The following PREX1 variants were observed in gnomAD, a reference collection of about 807,000 sequenced individuals.
PREX1 encodes phosphatidylinositol 3,4,5-trisphosphate-dependent Rac exchanger 1 protein.
In PREX1, 41 loss-of-function variants were observed where a neutral mutation model predicts 198.3. The observed-to-expected ratio is 0.21, with a 90% CI of 0.16 to 0.27. The LOEUF (loss-of-function observed/expected upper bound fraction) is 0.27, where lower values mean the gene tolerates loss of function less well. PREX1 is among the 10% of genes least tolerant of loss of function. The probability of loss-of-function intolerance (pLI) is 1.00; values close to 1 mark genes in which losing one functional copy is unlikely to be tolerated. For missense variants in PREX1, 1,620 were observed against 2,200.7 expected, an observed-to-expected ratio of 0.74 and a Z score of 5.28; for synonymous variants, 843 against 887.2, an observed-to-expected ratio of 0.95 and a Z score of 0.89.
intron 25 of PREX1, among the ~76,000 whole-genome samples, chr20:48,648,051 T>C (rs919836393): frequency 3.3e-5 from 5 of 152,216 alleles, no homozygotes; most frequent in Middle Eastern, 3.4e-3. Context: ...AACAGGTGTA[T>C]GCCATCACGC....
At chr20:48,655,244 C>T (rs1319019878) in intron 19 of PREX1, 46 bp downstream of exon 19, 2 of 1,472,684 alleles carry the variant, frequency 1.4e-6, no homozygotes, top group African/African-American at 1.4e-5. Flanking sequence ...CAGACAGATC[C>T]ACCATCTTCT....
At chr20:48,663,972 C>T (rs1353766012) in intron 15 of PREX1, among the ~76,000 whole-genome samples, 1 of 152,204 alleles carries the variant, frequency 6.6e-6, no homozygotes, top group African/African-American at 2.4e-5. Context: ...GCTCCCAGAA[C>T]CTGGCACGGT....
At chr20:48,697,786 T>C (rs1601083328) in intron 7 of PREX1, among the ~76,000 whole-genome samples, 1 of 152,318 alleles carries the variant, frequency 6.6e-6, no homozygotes, top group African/African-American at 2.4e-5. Flanking sequence ...TTTCCCCTTC[T>C]GGAGGATGGG....
chr20:48,815,196 C>A (rs1006824867), intron 1 of PREX1, among the ~76,000 whole-genome samples: 1 of 152,156 alleles, frequency 6.6e-6, no homozygotes, highest in African/African-American at 2.4e-5. Flanking sequence ...ATGGAGACTT[C>A]CAGAGCCTTC....
the PREX1 span, among the ~76,000 whole-genome samples, chr20:48,837,487 C>G: frequency 6.6e-6 from 1 of 152,130 alleles, no homozygotes; most frequent in Non-Finnish European, 1.5e-5. Flanking sequence ...TACCATGAAG[C>G]CATAAAAAAT....
In PREX1 at chr20:48,750,790, G is replaced by C. The variant is rs552465694; in HGVS notation, c.220-2910C>G. ...TACAAGCTCCTAAGGGAAAGGCCAG[G>C]ATAAGCAGGGATCATGGCTGGGATG... On this transcript the variant is annotated intron_variant, in intron 1 of 39. Transcript: ENST00000371941. 1.8e-3 allele frequency among the ~76,000 whole-genome samples: 271 copies of C among 152,316 alleles called. 1 individual carries two copies. The highest frequency in any genetic ancestry group is 6.3e-3 in the African/African-American group (262 of 41,572).
chr20:48,834,830 G>A, the PREX1 span, among the ~76,000 whole-genome samples: 6 of 152,178 alleles, frequency 3.9e-5, no homozygotes, highest in Non-Finnish European at 5.9e-5. Context: ...AAAGTGCTGG[G>A]ATTACAGGTG....
At chr20:48,632,720 T>G in intron 33 of PREX1, 81 bp from the exon 34 acceptor site, 1 of 1,513,578 alleles carries the variant, frequency 6.6e-7, no homozygotes, top group Non-Finnish European at 9.1e-7. Flanking sequence ...CCAGAACAGC[T>G]GGCACCTCCC....
chr20:48,815,317 C>T (rs911986952), intron 1 of PREX1, among the ~76,000 whole-genome samples: 6 of 152,338 alleles, frequency 3.9e-5, no homozygotes, highest in East Asian at 3.9e-4. Context: ...CTGCACCCAA[C>T]GACAGCAGAA....
intron 6 of PREX1, among the ~76,000 whole-genome samples, chr20:48,706,761 A>G (rs950154049): frequency 6.6e-6 from 1 of 152,230 alleles, no homozygotes; most frequent in African/African-American, 2.4e-5. Context: ...CAACTTTCAG[A>G]TGCAGGAAAC....
At position 48,666,154 on chromosome 20, in the gene PREX1, CGTGA is replaced by C. The variant is rs1156500240; in HGVS notation, c.1738+125_1738+128del. On this transcript the variant is annotated intron_variant, in intron 15 of 39. Coordinates refer to ENST00000371941, the MANE Select transcript of PREX1 (RefSeq NM_020820.4). This position sits in a 1 kb window ranked among gnomAD's most constrained non-coding sequence, Gnocchi z 4.3. ...ACGGGAAGGGGAGGGAGGTGGGATT[CGTGA>C]GCCTCCCCAAACCCCCGGGGGTCTA... is the stretch of plus-strand genomic sequence containing the variant. The C allele has an allele frequency of 5.7e-6, 5 of 878,464 alleles. No homozygotes were observed. Among genetic ancestry groups the C allele is most frequent in the Non-Finnish European group, 8.7e-6 (5 of 571,754 alleles). 54.4% of individuals were successfully genotyped at this position (878,464 alleles called of 1,614,324 possible). A position where few individuals can be genotyped will look rare whatever the true frequency, so the allele number is the denominator to read the frequency against.
intron 31 of PREX1, 103 bp from the exon 32 acceptor site, chr20:48,636,786 G>T (rs2089368979): frequency 7.1e-6 from 7 of 982,978 alleles, no homozygotes; most frequent in African/African-American, 3.3e-5. Context: ...GGAACCCCCA[G>T]CAAAGGGCTA....
chr20:48,827,715 A>T lies in PREX1; in HGVS notation c.146T>A (p.Leu49His). 1.5e-6 allele frequency: 2 copies of T among 1,360,750 alleles called. No individual in the cohort carries two copies. Among genetic ancestry groups the T allele is most frequent in the Non-Finnish European group, 1.9e-6 (2 of 1,042,450 alleles). The allele number at this position is 1,360,750 out of a possible 1,614,324, so 84.3% of individuals were successfully genotyped here. A position where few individuals can be genotyped will look rare whatever the true frequency, so the allele number is the denominator to read the frequency against. ...GATCTCGTTGAGGACGCAGAGGCGGAGGCGCAGCTGGCGCTCGGACTCCCG... is the reference window on the plus strand; with the variant it reads ...GATCTCGTTGAGGACGCAGAGGCGGTGGCGCAGCTGGCGCTCGGACTCCCG... ...AARESERQLR[L>H]RLCVLNEILG... The change falls in exon 1 of 40, where the codon CTC (leucine) becomes CAC (histidine). Residue 49 changes from leucine to histidine, a missense_variant. Leu to His is a moderately conservative substitution (Grantham distance 99). Coordinates refer to ENST00000371941, the MANE Select transcript of PREX1 (RefSeq NM_020820.4). This position sits in a 1 kb window ranked among gnomAD's most constrained non-coding sequence, Gnocchi z 4.1.
At chr20:48,807,567 AC>A (rs1366996809) in intron 1 of PREX1, among the ~76,000 whole-genome samples, 1 of 152,116 alleles carries the variant, frequency 6.6e-6, no homozygotes, top group Non-Finnish European at 1.5e-5. Flanking sequence ...TTACATCTTT[AC>A]CTACTTTTTT....
intron 1 of PREX1, among the ~76,000 whole-genome samples, chr20:48,752,550 A>G (rs1023999768): frequency 3.9e-5 from 6 of 152,216 alleles, no homozygotes; most frequent in African/African-American, 1.4e-4. Context: ...GCCTGGGAGC[A>G]GCCCTCAGTG....
chr20:48,757,105 G>A (rs574626323), intron 1 of PREX1, among the ~76,000 whole-genome samples: 2 of 152,236 alleles, frequency 1.3e-5, no homozygotes, highest in South Asian at 2.1e-4. Context: ...TTTGGGTGGG[G>A]ACACAGCCAA....
At position 48,652,677 on chromosome 20, in the gene PREX1, A is replaced by G; in HGVS notation, c.2376T>C (p.His792=). Residue 792 remains histidine, a synonymous_variant, in exon 21 of 40, where the codon CAT becomes CAC. Coordinates refer to ENST00000371941, the MANE Select transcript of PREX1 (RefSeq NM_020820.4). ...LGLYQWIYHT[H]EDAQEARASQ... ...TGGCTCGTGCTTCCTGGGCATCCTC[A>G]TGGGTGTGGTAGATCCACTGGTACA... 1 of 1,612,946 alleles carries G rather than the reference A, an allele frequency of 6.2e-7. No individual in the cohort carries two copies. Among genetic ancestry groups the G allele is most frequent in the African/African-American group, 1.3e-5 (1 of 74,878 alleles).
intron 10 of PREX1, among the ~76,000 whole-genome samples, chr20:48,683,325 C>T (rs1005971879): frequency 1.3e-5 from 2 of 152,238 alleles, no homozygotes; most frequent in African/African-American, 4.8e-5. Context: ...AGCAACTCTG[C>T]CCTACGTTTC....
intron 35 of PREX1, among the ~76,000 whole-genome samples, chr20:48,631,423 T>G (rs769200977): frequency 2.6e-5 from 4 of 152,118 alleles, no homozygotes; most frequent in Non-Finnish European, 4.4e-5. Context: ...CACTGCACAT[T>G]CCCAAACAAG....
Sources: gnomAD v4.1 joint callset for allele counts (sites outside exome capture counted in the v4.1 genomes callset) on GRCh38, gnomAD v4.1.1 for gene constraint, Gnocchi (gnomAD v3.1) non-coding constraint, MANE v1.5 for transcripts, NCBI Gene and HGNC (gene_info 2026-07-23, HGNC 2026-07-21) for gene names.